ARGLU1: variants seen among roughly 807,000 people sequenced by gnomAD.
The protein encoded by ARGLU1 is arginine and glutamate-rich protein 1.
Under a neutral mutation model 37.6 loss-of-function variants are expected in ARGLU1, and 9 were observed. The ratio of observed to expected loss-of-function variants is 0.24; its 90% CI spans 0.14 to 0.42. The LOEUF (loss-of-function observed/expected upper bound fraction) is 0.42, where lower values mean the gene tolerates loss of function less well. ARGLU1 is among the 10% of genes least tolerant of loss of function. The pLI is 1.00. For missense variants in ARGLU1, 211 were observed against 359.2 expected (o/e 0.59, Z 3.34); for synonymous variants, 166 against 138.5 (o/e 1.20, Z -1.39).
Position 106,543,949 on chromosome 13 carries a change from T to C in ARGLU1, c.*47A>G, listed in dbSNP as rs770744880. Reference sequence around the variant, plus strand: ...AAACCACTTCAACATGAAGCTACCATACAAAGTTTTTCCATTTTTCTTTGT... The same window carrying C: ...AAACCACTTCAACATGAAGCTACCACACAAAGTTTTTCCATTTTTCTTTGT... On this transcript the variant is annotated 3_prime_UTR_variant, in exon 4 of 4. Coordinates refer to ENST00000400198, the MANE Select transcript of ARGLU1 (RefSeq NM_018011.4). The C allele has an allele frequency of 2.6e-6, 4 of 1,525,428 alleles. No individual in the cohort carries two copies. Among genetic ancestry groups the C allele is most frequent in the South Asian group, 1.3e-5 (1 of 77,824 alleles). 94.5% of individuals were successfully genotyped at this position (1,525,428 alleles called of 1,614,324 possible).
At chr13:106,547,505 T>TATA (rs1156713720) in intron 3 of ARGLU1, among the ~76,000 whole-genome samples, 1 of 151,990 alleles carries the variant, frequency 6.6e-6, no homozygotes, top group Non-Finnish European at 1.5e-5. Flanking sequence ...TTACTGAAGA[T>TATA]ATATAAAGGA....
intron 3 of ARGLU1, among the ~76,000 whole-genome samples, chr13:106,547,111 C>T (rs1256863235): frequency 6.6e-6 from 1 of 152,138 alleles, no homozygotes; most frequent in African/African-American, 2.4e-5. Context: ...CCCTCTCTGT[C>T]TAGCTTGCTC....
intron 2 of ARGLU1, chr13:106,558,249 T>C (rs949520662): frequency 4.1e-6 from 4 of 983,502 alleles, no homozygotes; most frequent in African/African-American, 3.5e-5. Flanking sequence ...AGCACTGATA[T>C]AAATAAAAAT....
intron 3 of ARGLU1, among the ~76,000 whole-genome samples, chr13:106,555,709 T>C (rs547644367): frequency 1.3e-5 from 2 of 152,186 alleles, no homozygotes; most frequent in Non-Finnish European, 2.9e-5. Flanking sequence ...TTATTTTTCA[T>C]GTGGGCAAAT....
Position 106,567,582 on chromosome 13 carries a change from T to G in ARGLU1, c.338A>C (p.Gln113Pro), listed in dbSNP as rs1046283531. 2 of 1,610,422 alleles carry G rather than the reference T, an allele frequency of 1.2e-6. No homozygotes were observed. Among genetic ancestry groups the G allele is most frequent in the Non-Finnish European group, 1.7e-6 (2 of 1,177,236 alleles). Residue 113 changes from glutamine to proline, a missense_variant, in exon 1 of 4, where the codon CAG becomes CCG. By Grantham distance (76) the Gln-to-Pro change is moderately conservative. Coordinates refer to ENST00000400198, the MANE Select transcript of ARGLU1 (RefSeq NM_018011.4). This position sits in a 1 kb window ranked among gnomAD's most constrained non-coding sequence, Gnocchi z 4.3. ...CCGCGCGGGCACTCACATTTTTCGC[T>G]GCCGCTCGAACTCCGCTTTCTTCTC... ...EEEKKAEFER[Q>P]RKIRQQEIEE...
rs1880462067 is a variant in ARGLU1, at chr13:106,548,886, C to A, written c.658-4726G>T. 3.9e-5 allele frequency among the ~76,000 whole-genome samples: 6 copies of A among 152,122 alleles called. No individual in the cohort carries two copies. In the South Asian group the frequency reaches 1.2e-3, roughly 32 times the overall value. Reference sequence around the variant, plus strand: ...GCCTCAGCCTCCCGAGTAGCTGGGACTACAGGTGCGTGCCACAACGCCCGG... The same window carrying A: ...GCCTCAGCCTCCCGAGTAGCTGGGAATACAGGTGCGTGCCACAACGCCCGG... On this transcript the variant is annotated intron_variant, in intron 3 of 3. Coordinates refer to ENST00000400198, the MANE Select transcript of ARGLU1 (RefSeq NM_018011.4).
chr13:106,554,725 A>G (rs903375524), intron 3 of ARGLU1, among the ~76,000 whole-genome samples: 1 of 151,934 alleles, frequency 6.6e-6, no homozygotes, highest in Non-Finnish European at 1.5e-5. Flanking sequence ...TCTCTACTAA[A>G]AACACAAAAA....
In ARGLU1 at chr13:106,559,558, C is replaced by T. The variant is rs750578052; in HGVS notation, c.447G>A (p.Arg149=). 1.1e-5 allele frequency: 17 copies of T among 1,614,220 alleles called. No individual in the cohort carries two copies. In the South Asian group the frequency reaches 1.9e-4, roughly 18 times the overall value. ...AKRVEEELEK[R]KDEIEREVLR... is the part of the protein sequence containing the mutation. The stretch of plus-strand genomic sequence containing the variant: ...GAACTTCTCGTTCAATTTCATCCTT[C>T]CTTTTCTCCAGTTCTTCCTCCACCC... The change falls in exon 2 of 4, where the codon AGG becomes AGA. Residue 149 remains arginine, a synonymous_variant. Coordinates refer to ENST00000400198, the MANE Select transcript of ARGLU1 (RefSeq NM_018011.4).
Position 106,559,536 on chromosome 13 carries a change from C to T in ARGLU1, c.469G>A (p.Val157Ile). ...EKRKDEIERE[V>I]LRRVEEAKRI... ...TTGGCTTCCTCCACCCTTCGGAGAA[C>T]TTCTCGTTCAATTTCATCCTTCCTT... is the stretch of plus-strand genomic sequence containing the variant. Residue 157 changes from valine (V) to isoleucine (I), a missense_variant, in exon 2 of 4, where the codon GTT becomes ATT. Around this residue, in one of 3 missense-constraint regions of ARGLU1, gnomAD observed 80 missense variants for 158.4 expected, o/e 0.51. Coordinates refer to ENST00000400198, the MANE Select transcript of ARGLU1 (RefSeq NM_018011.4). 6.2e-7 allele frequency: 1 copy of T among 1,614,188 alleles called. No individual in the cohort carries two copies. Among genetic ancestry groups the T allele is most frequent in the Non-Finnish European group, 8.5e-7 (1 of 1,180,034 alleles).
chr13:106,555,546 T>C (rs2138970370), intron 3 of ARGLU1, among the ~76,000 whole-genome samples: 1 of 152,328 alleles, frequency 6.6e-6, no homozygotes, highest in African/African-American at 2.4e-5. Context: ...CTCATTTTTC[T>C]AGTAATTCAT....
chr13:106,564,783 T>C (rs1880914651), intron 1 of ARGLU1, among the ~76,000 whole-genome samples: 1 of 152,186 alleles, frequency 6.6e-6, no homozygotes, highest in Non-Finnish European at 1.5e-5. Flanking sequence ...CAGTACAGTA[T>C]ATCCAAAACT....
chr13:106,549,177 CAG>C (rs1880471739), intron 3 of ARGLU1, among the ~76,000 whole-genome samples: 1 of 152,162 alleles, frequency 6.6e-6, no homozygotes, highest in Non-Finnish European at 1.5e-5. Context: ...CTTTAGCAGA[CAG>C]AGATACTGAA....
At chr13:106,556,698 T>C (rs1229674717) in intron 3 of ARGLU1, among the ~76,000 whole-genome samples, 2 of 152,242 alleles carry the variant, frequency 1.3e-5, no homozygotes, top group African/African-American at 4.8e-5. Flanking sequence ...AGTAAAATGC[T>C]GCATATTATA....
Position 106,555,992 on chromosome 13 carries a change from G to A in ARGLU1, c.657+1056C>T, listed in dbSNP as rs1223851954. ...AACCAGAGTGTATTTACCCTTCAAAGCTCAACCTTCTAACCTCAAATTCAG... is the reference window on the plus strand; with the variant it reads ...AACCAGAGTGTATTTACCCTTCAAAACTCAACCTTCTAACCTCAAATTCAG... On this transcript the variant is annotated intron_variant, in intron 3 of 3. Transcript: ENST00000400198. Among the ~76,000 whole-genome samples, 6 of 151,992 alleles carry A rather than the reference G, an allele frequency of 3.9e-5. No individual in the cohort carries two copies. The South Asian group carries it at 1.2e-3, about 32-fold the overall frequency.
chr13:106,550,846 T>C, intron 3 of ARGLU1, among the ~76,000 whole-genome samples: 1 of 152,238 alleles, frequency 6.6e-6, no homozygotes, highest in Non-Finnish European at 1.5e-5. Context: ...TGTTTTCACA[T>C]CACCTTTCCT....
At chr13:106,544,333 T>C (rs1880337842) in intron 3 of ARGLU1, among the ~76,000 whole-genome samples, 173 bp from the exon 4 acceptor site, 1 of 152,176 alleles carries the variant, frequency 6.6e-6, no homozygotes, top group Admixed American at 6.5e-5. Context: ...ATATTTTAGT[T>C]ATGAGGTGAC....
At position 106,557,980 on chromosome 13, in the gene ARGLU1, T is replaced by C; in HGVS notation, c.574-849A>G. ...TCAGGAAATAAAATTCTTCAACTTATTTTTTCTTGGAGAATTTAATGAGAT... is the reference window on the plus strand; with the variant it reads ...TCAGGAAATAAAATTCTTCAACTTACTTTTTCTTGGAGAATTTAATGAGAT... On this transcript the variant is annotated intron_variant, in intron 2 of 3. Coordinates refer to ENST00000400198, the MANE Select transcript of ARGLU1 (RefSeq NM_018011.4). The surrounding 1 kb of genome is among the most constrained non-coding windows in gnomAD (Gnocchi z 5.0). 4 of 985,404 alleles carry C rather than the reference T, an allele frequency of 4.1e-6. No individual in the cohort carries two copies. The highest frequency in any genetic ancestry group is 4.8e-6 in the Non-Finnish European group (4 of 829,906). The allele number at this position is 985,404 out of a possible 1,614,324, so 61.0% of individuals were successfully genotyped here.
intron 3 of ARGLU1, among the ~76,000 whole-genome samples, chr13:106,546,511 A>G (rs1431555271): frequency 3.9e-5 from 6 of 152,164 alleles, no homozygotes; most frequent in African/African-American, 1.2e-4. Flanking sequence ...GCTTTCACTG[A>G]TATTACAACA....
At chr13:106,558,098 A>T in intron 2 of ARGLU1, 1 of 985,354 alleles carries the variant, frequency 1.0e-6, no homozygotes, top group Non-Finnish European at 1.2e-6. Flanking sequence ...ATTTGGAAAG[A>T]CTGTCAGAGG....
Sources: allele counts gnomAD v4.1 joint callset (sites outside exome capture counted in the v4.1 genomes callset), GRCh38; gene constraint gnomAD v4.1.1; regional missense constraint gnomAD v4.1.1; non-coding constraint Gnocchi (gnomAD v3.1); transcripts MANE v1.5; gene names NCBI Gene and HGNC (gene_info 2026-07-23, HGNC 2026-07-21).